ERBB4: variants seen among roughly 807,000 people sequenced by gnomAD.
ERBB4 encodes erb-b2 receptor tyrosine kinase 4.
ERBB4 carries 42 observed loss-of-function variants against 158.0 expected under a neutral mutation model. The observed-to-expected ratio is 0.27, with a 90% confidence interval of 0.21 to 0.34. The LOEUF (loss-of-function observed/expected upper bound fraction) is 0.34. ERBB4 is among the 10% of genes least tolerant of loss of function. The pLI, the probability that ERBB4 is intolerant of heterozygous loss-of-function variation, is 1.00. For missense variants in ERBB4, 1,333 were observed against 1,624.1 expected (o/e 0.82, Z 3.08); for synonymous variants, 583 against 558.7 (o/e 1.04, Z -0.61).
chr2:211,761,726 AG>A (rs750892460), intron 4 of ERBB4, among the ~76,000 whole-genome samples: 2 of 152,246 alleles, frequency 1.3e-5, no homozygotes, highest in Non-Finnish European at 2.9e-5. Context: ...ATAGGAAATT[AG>A]AGCTCACAGT....
At chr2:211,410,597 C>CATATG (rs1409749460) in intron 25 of ERBB4, among the ~76,000 whole-genome samples, 1 of 152,052 alleles carries the variant, frequency 6.6e-6, no homozygotes, top group Non-Finnish European at 1.5e-5. Flanking sequence ...CATACTGTAC[C>CATATG]ATAACAAGGA....
chr2:211,433,592 A>AT (rs1407508273), intron 20 of ERBB4, among the ~76,000 whole-genome samples: 152 of 150,224 alleles, frequency 1.0e-3, no homozygotes, highest in African/African-American at 3.4e-3. Context: ...AAAATAAAAT[A>AT]AAATAAAAAA....
chr2:212,100,523 T>A (rs866510848), intron 2 of ERBB4, among the ~76,000 whole-genome samples: 143 of 152,348 alleles, frequency 9.4e-4, no homozygotes, highest in African/African-American at 3.3e-3. Context: ...TTCATAGGCA[T>A]GTTGTTTTAA....
chr2:212,493,522 A>G (rs16848705), intron 1 of ERBB4, among the ~76,000 whole-genome samples: 6,780 of 151,674 alleles, frequency 0.045, 513 homozygotes, highest in African/African-American at 0.15. Context: ...ATACTAAAAA[A>G]CTTGGCTCAG....
At chr2:211,812,415 C>A (rs549066015) in intron 3 of ERBB4, among the ~76,000 whole-genome samples, 9 of 152,204 alleles carry the variant, frequency 5.9e-5, no homozygotes, top group Non-Finnish European at 1.2e-4. Context: ...CTGGAAGCTT[C>A]ATCCCAGAGG....
At chr2:212,125,130 A>C (rs2079883045) in intron 1 of ERBB4, 2 of 534,930 alleles carry the variant, frequency 3.7e-6, no homozygotes, top group Non-Finnish European at 6.7e-6. Context: ...CATAGATTCC[A>C]CAGAAATATA....
chr2:212,062,281 G>A (rs566633486), intron 2 of ERBB4, among the ~76,000 whole-genome samples: 7 of 151,716 alleles, frequency 4.6e-5, no homozygotes, highest in African/African-American at 1.2e-4. Context: ...CTCCATTCAC[G>A]TGTCAACAAA....
At chr2:212,144,677 T>A (rs1177117180) in intron 1 of ERBB4, among the ~76,000 whole-genome samples, 4 of 152,184 alleles carry the variant, frequency 2.6e-5, no homozygotes, top group African/African-American at 7.2e-5. Context: ...AGTATATGGA[T>A]CTTAATTCTC....
intron 3 of ERBB4, among the ~76,000 whole-genome samples, chr2:211,904,441 A>C (rs918191907): frequency 2.0e-5 from 3 of 152,146 alleles, no homozygotes; most frequent in African/African-American, 7.2e-5. Flanking sequence ...CAAAATGCTT[A>C]CTAATGGAAC....
Position 211,673,193 on chromosome 2 carries a change from C to T in ERBB4, c.1687G>A (p.Glu563Lys), listed in dbSNP as rs146197533. The T allele has an allele frequency of 6.2e-7, 1 of 1,613,726 alleles. No homozygotes were observed. The highest frequency in any genetic ancestry group is 8.5e-7 in the Non-Finnish European group (1 of 1,179,696). The change falls in exon 14 of 28, where the codon GAA becomes AAA. Residue 563 changes from glutamate (E) to lysine (K), a missense_variant. Around this residue, in one of 5 missense-constraint regions of ERBB4, gnomAD observed 245 missense variants for 247.5 expected, o/e 0.99. Coordinates refer to ENST00000342788, the MANE Select transcript of ERBB4 (RefSeq NM_005235.3). ...CCATGGCATGTGAGGAGGCCATCTTCCATCTTCTCACACTGGGGGTCACAC... is the reference window on the plus strand; with the variant it reads ...CCATGGCATGTGAGGAGGCCATCTTTCATCTTCTCACACTGGGGGTCACAC... ...VECDPQCEKM[E>K]DGLLTCHGPG... is the part of the protein sequence containing the mutation.
chr2:212,055,366 TG>T (rs2077525886), intron 2 of ERBB4, among the ~76,000 whole-genome samples: 1 of 152,176 alleles, frequency 6.6e-6, no homozygotes, highest in Admixed American at 6.5e-5. Context: ...ACTCCACCTC[TG>T]GGGGCAGGGC....
At chr2:211,677,120 G>A (rs1209751956) in intron 13 of ERBB4, among the ~76,000 whole-genome samples, 1 of 152,094 alleles carries the variant, frequency 6.6e-6, no homozygotes, top group South Asian at 2.1e-4. Context: ...TTGCAAAGAA[G>A]AGACATGTCA....
chr2:211,711,210 T>C (rs114712121), intron 9 of ERBB4, among the ~76,000 whole-genome samples: 2,735 of 152,270 alleles, frequency 0.018, 90 homozygotes, highest in African/African-American at 0.063. Context: ...CTATTGTTCT[T>C]GCCATTCCTA....
chr2:211,553,038 G>A (rs911236213), intron 20 of ERBB4, among the ~76,000 whole-genome samples: 4 of 150,876 alleles, frequency 2.7e-5, no homozygotes, highest in African/African-American at 9.7e-5. Flanking sequence ...GCATGATCTC[G>A]GCTCACTGCA....
At chr2:212,106,343 T>C (rs973386063) in intron 2 of ERBB4, among the ~76,000 whole-genome samples, 1 of 152,212 alleles carries the variant, frequency 6.6e-6, no homozygotes, top group South Asian at 2.1e-4. Context: ...TGTTATGTTT[T>C]AACAAAGACA....
intron 1 of ERBB4, among the ~76,000 whole-genome samples, chr2:212,458,739 C>T (rs1040242359): frequency 1.3e-5 from 2 of 151,676 alleles, no homozygotes; most frequent in African/African-American, 4.8e-5. Flanking sequence ...CTACTGTGGG[C>T]AACAAATAAG....
chr2:211,555,660 A>C (rs2067218294), intron 20 of ERBB4, among the ~76,000 whole-genome samples: 1 of 152,230 alleles, frequency 6.6e-6, no homozygotes, highest in Non-Finnish European at 1.5e-5. Context: ...GAGATTCAGG[A>C]CCAACATTCA....
rs561685709 is a variant in ERBB4 at position 212,451,512 on chromosome 2, T to G, written c.82+86937A>C. ...ATGTTTTGATGCAATAAAAATCAAA[T>G]TATATAGTCATCAGTAAGTTGCTGT... is the stretch of plus-strand genomic sequence containing the variant. On this transcript the variant is annotated intron_variant, in intron 1 of 27. Transcript: ENST00000342788. Among the ~76,000 whole-genome samples the G allele has an allele frequency of 1.9e-3, 288 of 152,324 alleles. 6 individuals carry two copies. The South Asian group carries it at 0.029, about 15-fold the overall frequency.
At chr2:212,064,239 A>G (rs935087593) in intron 2 of ERBB4, among the ~76,000 whole-genome samples, 1 of 152,218 alleles carries the variant, frequency 6.6e-6, no homozygotes, top group African/African-American at 2.4e-5. Flanking sequence ...CTAGCATATT[A>G]TAAATGATTA....
Sources: gnomAD v4.1 joint callset for allele counts (sites outside exome capture counted in the v4.1 genomes callset) on GRCh38, gnomAD v4.1.1 for gene constraint, gnomAD v4.1.1 regional missense constraint, MANE v1.5 for transcripts, NCBI Gene and HGNC (gene_info 2026-07-23, HGNC 2026-07-21) for gene names.